The following ERBIN variants were observed in gnomAD, a reference collection of about 807,000 sequenced individuals.
ERBIN encodes densin-180-like protein.
In ERBIN, 60 loss-of-function variants were observed where a neutral mutation model predicts 158.4. That is an observed-to-expected ratio of 0.38 (90% CI 0.31 to 0.47). The LOEUF is 0.47. ERBIN is among the 20% of genes least tolerant of loss of function. The probability of loss-of-function intolerance (pLI) is 0.99; values close to 1 mark genes in which losing one functional copy is unlikely to be tolerated. For missense variants in ERBIN, 1,610 were observed against 1,648.0 expected, an observed-to-expected ratio of 0.98 and a Z score of 0.40; for synonymous variants, 594 against 557.2, an observed-to-expected ratio of 1.07 and a Z score of -0.93.
At chr5:65,968,317 C>T (rs1748886309) in intron 1 of ERBIN, among the ~76,000 whole-genome samples, 1 of 152,078 alleles carries the variant, frequency 6.6e-6, no homozygotes, top group Non-Finnish European at 1.5e-5. Flanking sequence ...AAGAAAAAGT[C>T]ACTGTTTCTT....
intron 1 of ERBIN, among the ~76,000 whole-genome samples, chr5:65,937,438 AAT>A (rs1358512924): frequency 6.6e-6 from 1 of 152,130 alleles, no homozygotes; most frequent in Admixed American, 6.5e-5. Context: ...TAAATCCCCA[AAT>A]ATGTTTATAC....
At chr5:65,928,087 C>A (rs1561253293) in intron 1 of ERBIN, among the ~76,000 whole-genome samples, 1 of 151,924 alleles carries the variant, frequency 6.6e-6, no homozygotes, top group Admixed American at 6.6e-5. Flanking sequence ...TTCTTTAGTT[C>A]AAAGAGAAAA....
intron 1 of ERBIN, among the ~76,000 whole-genome samples, chr5:65,977,189 G>C (rs1237333880): frequency 3.5e-5 from 5 of 144,908 alleles, no homozygotes; most frequent in African/African-American, 5.4e-5. Context: ...CTGGCCGGGC[G>C]GGGGGCTGAC....
chr5:65,935,579 T>C (rs777990685), intron 1 of ERBIN, among the ~76,000 whole-genome samples: 4 of 152,184 alleles, frequency 2.6e-5, no homozygotes, highest in African/African-American at 4.8e-5. Context: ...ATGTGAAATA[T>C]TTCATTCCTT....
chr5:66,060,568 T>G lies in ERBIN; in HGVS notation c.3633+5617T>G, dbSNP rs1274386832. Among the ~76,000 whole-genome samples, 4 of 152,334 alleles carry G rather than the reference T, an allele frequency of 2.6e-5. No individual in the cohort carries two copies. The East Asian group carries it at 7.7e-4, about 29-fold the overall frequency. On this transcript the variant is annotated intron_variant, in intron 21 of 25. Transcript: ENST00000284037. ...GTTCTGCTCTGATCTTAGTTATTTC[T>G]TGTCTTCTGCTAGTTTTTGAATGTG...
At chr5:65,929,280 A>G (rs1434061175) in intron 1 of ERBIN, among the ~76,000 whole-genome samples, 1 of 152,210 alleles carries the variant, frequency 6.6e-6, no homozygotes, top group Non-Finnish European at 1.5e-5. Flanking sequence ...CCTTTAAGAA[A>G]TAGTTAAAAG....
At chr5:65,937,682 G>A (rs2150862359) in intron 1 of ERBIN, among the ~76,000 whole-genome samples, 1 of 152,318 alleles carries the variant, frequency 6.6e-6, no homozygotes, top group East Asian at 1.9e-4. Flanking sequence ...GCCGAGGCGG[G>A]CGGATCACGA....
chr5:65,941,110 T>G (rs1471696219), intron 1 of ERBIN, among the ~76,000 whole-genome samples: 1 of 152,098 alleles, frequency 6.6e-6, no homozygotes, highest in East Asian at 1.9e-4. Flanking sequence ...AACAGATGCT[T>G]GAAGGCAGCA....
chr5:65,932,423 G>A (rs251614), intron 1 of ERBIN, among the ~76,000 whole-genome samples: 1 of 151,866 alleles, frequency 6.6e-6, no homozygotes, highest in East Asian at 1.9e-4. Flanking sequence ...TTCTTGTAAA[G>A]GTGTTAGCTG....
intron 1 of ERBIN, among the ~76,000 whole-genome samples, chr5:65,931,867 G>A (rs1044277446): frequency 7.0e-5 from 10 of 142,528 alleles, no homozygotes; most frequent in Non-Finnish European, 1.5e-5. Context: ...TGCCCAGACT[G>A]GAGTGCAGTG....
chr5:65,995,193 T>G (rs1752289700), intron 4 of ERBIN, among the ~76,000 whole-genome samples: 2 of 152,184 alleles, frequency 1.3e-5, no homozygotes, highest in Non-Finnish European at 2.9e-5. Context: ...TTAATTGCGG[T>G]CATCATGTTG....
At chr5:65,935,681 T>G (rs1311643815) in intron 1 of ERBIN, among the ~76,000 whole-genome samples, 1 of 152,194 alleles carries the variant, frequency 6.6e-6, no homozygotes, top group Non-Finnish European at 1.5e-5. Context: ...AGATAATTGC[T>G]CAATTTCAGT....
intron 1 of ERBIN, among the ~76,000 whole-genome samples, chr5:65,982,514 T>C (rs1750766359): frequency 6.6e-6 from 1 of 152,180 alleles, no homozygotes; most frequent in Admixed American, 6.5e-5. Flanking sequence ...TATACAAAAT[T>C]TGATCACTCT....
chr5:66,000,594 G>A (rs1752924497), intron 4 of ERBIN, among the ~76,000 whole-genome samples: 1 of 152,148 alleles, frequency 6.6e-6, no homozygotes, highest in Admixed American at 6.5e-5. Context: ...AAGGAGGAAT[G>A]ACGTTACTTA....
intron 4 of ERBIN, among the ~76,000 whole-genome samples, chr5:66,001,336 G>A (rs1478234766): frequency 6.6e-6 from 1 of 152,056 alleles, no homozygotes; most frequent in Non-Finnish European, 1.5e-5. Flanking sequence ...GTTGTGCACT[G>A]TTTGGAAGGA....
intron 17 of ERBIN, among the ~76,000 whole-genome samples, chr5:66,046,091 T>TACAA (rs59379797): frequency 0.057 from 8,745 of 152,222 alleles, 876 homozygotes; most frequent in African/African-American, 0.2. Context: ...TGTCCACACT[T>TACAA]ACAAGCCTTG....
At chr5:65,986,296 C>T (rs1382377590) in intron 1 of ERBIN, among the ~76,000 whole-genome samples, 5 of 152,188 alleles carry the variant, frequency 3.3e-5, no homozygotes, top group African/African-American at 1.2e-4. Flanking sequence ...TTCTCTCTGC[C>T]TTGCTCCTAC....
At chr5:65,982,590 G>C (rs543954758) in intron 1 of ERBIN, among the ~76,000 whole-genome samples, 34 of 152,246 alleles carry the variant, frequency 2.2e-4, no homozygotes, top group African/African-American at 7.9e-4. Context: ...ATAAGATCTA[G>C]ATACAGATAA....
intron 1 of ERBIN, among the ~76,000 whole-genome samples, chr5:65,967,671 A>G (rs561127967): frequency 3.3e-5 from 5 of 152,350 alleles, no homozygotes; most frequent in African/African-American, 7.2e-5. Context: ...CTGTCAAGCA[A>G]TGCACGATTG....
Sources: allele counts gnomAD v4.1 joint callset (sites outside exome capture counted in the v4.1 genomes callset), GRCh38; gene constraint gnomAD v4.1.1; transcripts MANE v1.5; gene names NCBI Gene and HGNC (gene_info 2026-07-23, HGNC 2026-07-21).